Variants in PTPRN2 observed in about 807,000 individuals in gnomAD.
PTPRN2 encodes the protein protein tyrosine phosphatase receptor type N2.
PTPRN2 carries 74 observed loss-of-function variants against 118.8 expected under a neutral mutation model. The ratio of observed to expected loss-of-function variants is 0.62; its 90% CI spans 0.52 to 0.76. The LOEUF (loss-of-function observed/expected upper bound fraction) is 0.76. Among genes scored for constraint, PTPRN2 ranks in the 30% least tolerant of loss-of-function variants. The pLI is 0.00. For synonymous variants in PTPRN2, 641 were observed against 608.0 expected (o/e 1.05, Z -0.80); for missense variants, 1,481 against 1,394.4 (o/e 1.06, Z -0.99).
At chr7:158,260,938 G>A (rs1440300949) in intron 3 of PTPRN2, among the ~76,000 whole-genome samples, 2 of 152,144 alleles carry the variant, frequency 1.3e-5, no homozygotes, top group Non-Finnish European at 2.9e-5. Context: ...GAGGAGAGAG[G>A]AGGCAGACGG....
chr7:157,692,685 G>A (rs945316351), intron 12 of PTPRN2, among the ~76,000 whole-genome samples: 1 of 152,204 alleles, frequency 6.6e-6, no homozygotes, highest in East Asian at 1.9e-4. Context: ...GCTGCAGGAG[G>A]CCCGGTGCGG....
intron 3 of PTPRN2, among the ~76,000 whole-genome samples, chr7:158,265,002 C>T (rs1397728055): frequency 6.6e-6 from 1 of 152,114 alleles, no homozygotes; most frequent in African/African-American, 2.4e-5. Flanking sequence ...GCCCTCCTGG[C>T]CATGGGCTCT....
intron 12 of PTPRN2, among the ~76,000 whole-genome samples, chr7:157,686,254 G>A (rs10271246): frequency 0.15 from 23,173 of 152,192 alleles, 1,880 homozygotes; most frequent in Admixed American, 0.2. Flanking sequence ...CGCCCAGGAC[G>A]GTTTCAAGTG....
At chr7:158,316,795 A>C in intron 3 of PTPRN2, 24 bp downstream of exon 3, 1 of 1,561,926 alleles carries the variant, frequency 6.4e-7, no homozygotes, top group South Asian at 1.2e-5. Flanking sequence ...GCAGCCGCCG[A>C]GCCTCGGCCC....
At chr7:158,333,889 A>C (rs1399525579) in intron 2 of PTPRN2, among the ~76,000 whole-genome samples, 2 of 147,306 alleles carry the variant, frequency 1.4e-5, no homozygotes, top group African/African-American at 5.1e-5. Context: ...TCTCACCATA[A>C]GAGCTGACAC....
At chr7:157,661,471 G>C (rs558645848) in intron 13 of PTPRN2, among the ~76,000 whole-genome samples, 1 of 141,584 alleles carries the variant, frequency 7.1e-6, no homozygotes, top group Non-Finnish European at 1.6e-5. Flanking sequence ...GCCTGGGAAC[G>C]GGGGCGGGTG....
intron 11 of PTPRN2, among the ~76,000 whole-genome samples, chr7:158,024,266 T>C (rs1807108889): frequency 6.6e-6 from 1 of 152,210 alleles, no homozygotes; most frequent in South Asian, 2.1e-4. Context: ...CCCAGGCATC[T>C]GGATGGCCAG....
intron 2 of PTPRN2, among the ~76,000 whole-genome samples, chr7:158,476,483 A>T (rs1344274486): frequency 6.6e-6 from 1 of 152,252 alleles, no homozygotes; most frequent in African/African-American, 2.4e-5. Context: ...GTCACCAACA[A>T]CTGCCAGCCA....
At chr7:158,362,581 T>C (rs1271551728) in intron 2 of PTPRN2, among the ~76,000 whole-genome samples, 3 of 152,332 alleles carry the variant, frequency 2.0e-5, no homozygotes, top group African/African-American at 7.2e-5. Context: ...GGGACAAATT[T>C]GCAACTTGAC....
chr7:158,566,269 G>T (rs1045114010), intron 1 of PTPRN2, among the ~76,000 whole-genome samples: 5 of 151,990 alleles, frequency 3.3e-5, no homozygotes, highest in Non-Finnish European at 5.9e-5. Context: ...CAGGAGAATT[G>T]CTTGAACCCA....
At chr7:157,829,449 G>A (rs1215016402) in intron 12 of PTPRN2, among the ~76,000 whole-genome samples, 1 of 152,230 alleles carries the variant, frequency 6.6e-6, no homozygotes, top group Non-Finnish European at 1.5e-5. Flanking sequence ...GCGGGCCCGT[G>A]TGCACCGCAG....
At chr7:157,921,622 G>T (rs114523728) in intron 11 of PTPRN2, among the ~76,000 whole-genome samples, 276 of 152,320 alleles carry the variant, frequency 1.8e-3, no homozygotes, top group African/African-American at 6.2e-3. Context: ...GGCAGGGAGG[G>T]CTGCTGTAAG....
chr7:157,785,071 G>A lies in PTPRN2; in HGVS notation c.1789-102134C>T, dbSNP rs190172429. Reference sequence around the variant, plus strand: ...GTTACAGCCGCTGTTTCATCGCGTCGTCATAGGAGTTGAACAAAGCTGTGT... The same window carrying A: ...GTTACAGCCGCTGTTTCATCGCGTCATCATAGGAGTTGAACAAAGCTGTGT... On this transcript the variant is annotated intron_variant, in intron 12 of 22. Transcript: ENST00000389418. This position sits in a 1 kb window ranked among gnomAD's most constrained non-coding sequence, Gnocchi z 7.3. Among the ~76,000 whole-genome samples the A allele has an allele frequency of 2.6e-5, 4 of 152,076 alleles. No individual in the cohort carries two copies. Among genetic ancestry groups the A allele is most frequent in the African/African-American group, 7.2e-5 (3 of 41,466 alleles).
chr7:158,270,918 GGACCACCCCCCCCA>G (rs1798403551), intron 3 of PTPRN2, among the ~76,000 whole-genome samples: 2 of 67,450 alleles, frequency 3.0e-5, no homozygotes, highest in African/African-American at 1.3e-4. Context: ...CCCCCCACCT[GGACCACCCCCCCCA>G]CCTGGACCAC....
chr7:157,769,207 C>T (rs879441644), intron 12 of PTPRN2, among the ~76,000 whole-genome samples: 2 of 152,106 alleles, frequency 1.3e-5, no homozygotes, highest in South Asian at 2.1e-4. Context: ...ACGCTTTGCC[C>T]GTGCCAAGCA....
At chr7:158,019,700 G>A (rs1033079700) in intron 11 of PTPRN2, among the ~76,000 whole-genome samples, 40 of 152,150 alleles carry the variant, frequency 2.6e-4, no homozygotes, top group Non-Finnish European at 4.3e-4. Flanking sequence ...GATGGTGAGC[G>A]GGCTGTGTCC....
At chr7:157,924,626 C>A (rs140827971) in intron 11 of PTPRN2, among the ~76,000 whole-genome samples, 1 of 152,224 alleles carries the variant, frequency 6.6e-6, no homozygotes, top group African/African-American at 2.4e-5. Flanking sequence ...GGGGAGGACA[C>A]CTCGCTTTAT....
chr7:158,404,978 A>G (rs201007949), intron 2 of PTPRN2, among the ~76,000 whole-genome samples: 2 of 100,492 alleles, frequency 2.0e-5, no homozygotes, highest in African/African-American at 8.2e-5. Flanking sequence ...CCAGCTCCTC[A>G]GCCTCAGCTC....
At chr7:158,031,729 T>TA (rs1283031579) in intron 11 of PTPRN2, among the ~76,000 whole-genome samples, 6 of 152,102 alleles carry the variant, frequency 3.9e-5, no homozygotes, top group African/African-American at 7.2e-5. Context: ...ATTTATATTT[T>TA]AAAAAAAGAA....
Sources: gnomAD v4.1 joint callset for allele counts (sites outside exome capture counted in the v4.1 genomes callset) on GRCh38, gnomAD v4.1.1 for gene constraint, Gnocchi (gnomAD v3.1) non-coding constraint, MANE v1.5 for transcripts, NCBI Gene and HGNC (gene_info 2026-07-23, HGNC 2026-07-21) for gene names.